The following SNTB2 variants were observed in gnomAD, a reference collection of about 807,000 sequenced individuals.
The protein encoded by SNTB2 is beta-2-syntrophin.
In SNTB2, 34 loss-of-function variants were observed where a neutral mutation model predicts 46.2. That is an observed-to-expected ratio of 0.74 (90% CI 0.56 to 0.98). The LOEUF (loss-of-function observed/expected upper bound fraction) is 0.98. SNTB2 is among the 50% of genes least tolerant of loss of function. The probability of loss-of-function intolerance (pLI) is 0.00; values close to 1 mark genes in which losing one functional copy is unlikely to be tolerated. For missense variants in SNTB2, 603 were observed against 731.4 expected, an observed-to-expected ratio of 0.82 and a Z score of 2.02; for synonymous variants, 290 against 312.6, an observed-to-expected ratio of 0.93 and a Z score of 0.76.
intron 1 of SNTB2, among the ~76,000 whole-genome samples, chr16:69,229,827 A>G (rs1964490066): frequency 7.5e-6 from 1 of 134,194 alleles, no homozygotes; most frequent in African/African-American, 2.7e-5. Context: ...GGGTGACAGG[A>G]GCAAGACCCT....
At chr16:69,191,695 C>T (rs1387687094) in intron 1 of SNTB2, among the ~76,000 whole-genome samples, 10 of 151,640 alleles carry the variant, frequency 6.6e-5, no homozygotes, top group Non-Finnish European at 1.0e-4. Context: ...GGCTGGAGTG[C>T]AGTGGTGCGA....
chr16:69,237,006 C>T (rs1964565774), intron 1 of SNTB2, among the ~76,000 whole-genome samples: 1 of 152,156 alleles, frequency 6.6e-6, no homozygotes, highest in Non-Finnish European at 1.5e-5. Flanking sequence ...CTTATAACTA[C>T]AAGAGTGAGC....
At chr16:69,286,190 A>G (rs879718780) in intron 5 of SNTB2, among the ~76,000 whole-genome samples, 1 of 152,168 alleles carries the variant, frequency 6.6e-6, no homozygotes, top group Non-Finnish European at 1.5e-5. Context: ...GCTTCAAGCT[A>G]TTCTCTGGTC....
At chr16:69,255,246 T>C (rs1964761990) in intron 2 of SNTB2, among the ~76,000 whole-genome samples, 1 of 151,818 alleles carries the variant, frequency 6.6e-6, no homozygotes, top group Admixed American at 6.6e-5. Context: ...TGCAGATGTA[T>C]GTCACCATGC....
intron 3 of SNTB2, among the ~76,000 whole-genome samples, chr16:69,269,311 G>A (rs533905753): frequency 6.6e-6 from 1 of 151,842 alleles, no homozygotes; most frequent in Admixed American, 6.6e-5. Context: ...GAGGTCAGGA[G>A]ATCGAGACCA....
chr16:69,225,709 T>G (rs1475363107), intron 1 of SNTB2, among the ~76,000 whole-genome samples: 1 of 152,226 alleles, frequency 6.6e-6, no homozygotes, highest in Non-Finnish European at 1.5e-5. Context: ...GTGTCAAACA[T>G]TTTAAAGATC....
chr16:69,241,936 A>C (rs1964620870), intron 1 of SNTB2: 1 of 149,642 alleles, frequency 6.7e-6, no homozygotes, highest in Admixed American at 6.6e-5. Context: ...CTCAAAAAAA[A>C]AAAAAAAAAA....
chr16:69,245,535 A>T, intron 1 of SNTB2, 67 bp from the exon 2 acceptor site: 1 of 1,433,242 alleles, frequency 7.0e-7, no homozygotes, highest in Non-Finnish European at 9.8e-7. Flanking sequence ...GTATGTGAAT[A>T]CTTTAGTTAT....
intron 1 of SNTB2, among the ~76,000 whole-genome samples, chr16:69,205,469 A>T (rs1261929899): frequency 6.6e-6 from 1 of 151,918 alleles, no homozygotes; most frequent in Middle Eastern, 3.2e-3. Context: ...AAATGCTGGG[A>T]TTACAGGTGT....
chr16:69,246,911 G>T (rs1964675485), intron 2 of SNTB2, among the ~76,000 whole-genome samples: 1 of 102,592 alleles, frequency 9.7e-6, no homozygotes, highest in Admixed American at 1.2e-4. Flanking sequence ...GGTGGGGGGA[G>T]GGGGGAGGGA....
intron 5 of SNTB2, among the ~76,000 whole-genome samples, chr16:69,285,453 C>CTATTTATT (rs56095766): frequency 0.056 from 7,275 of 130,538 alleles, 253 homozygotes; most frequent in Middle Eastern, 0.11. Context: ...CTTTGAGCTT[C>CTATTTATT]TATTTATTTA....
chr16:69,304,968 C>T lies in SNTB2; in HGVS notation c.*4044C>T, dbSNP rs2143220672. 1 of 151,598 alleles carries T rather than the reference C, an allele frequency of 6.6e-6. No individual in the cohort carries two copies. The highest frequency in any genetic ancestry group is 2.4e-5 in the African/African-American group (1 of 41,324). The allele number at this position is 151,598 out of a possible 1,614,324, so 9.4% of individuals were successfully genotyped here. On this transcript the variant is annotated 3_prime_UTR_variant, in exon 7 of 7. Coordinates refer to ENST00000336278, the MANE Select transcript of SNTB2 (RefSeq NM_006750.4). ...CAGATGTGAGCCACTGCACCTGGCCCCAGAAATTATGCTTAAAAAAAAAAT... is the reference window on the plus strand; with the variant it reads ...CAGATGTGAGCCACTGCACCTGGCCTCAGAAATTATGCTTAAAAAAAAAAT...
Position 69,284,167 on chromosome 16 carries a change from G to C in SNTB2, c.1268G>C (p.Arg423Pro). 6.2e-7 allele frequency: 1 copy of C among 1,613,992 alleles called. No homozygotes were observed. Among genetic ancestry groups the C allele is most frequent in the Admixed American group, 1.7e-5 (1 of 59,998 alleles). ...EMHLFRVETHRDLSSWTRILV... is the reference protein window; with the variant it reads ...EMHLFRVETHPDLSSWTRILV... Reference sequence around the variant, plus strand: ...CATCTCTTCAGGGTGGAGACACATCGGGATCTGTCATCCTGGACCAGGATA... The same window carrying C: ...CATCTCTTCAGGGTGGAGACACATCCGGATCTGTCATCCTGGACCAGGATA... The change falls in exon 5 of 7, where the codon CGG (arginine) becomes CCG (proline). Residue 423 changes from arginine (R) to proline (P), a missense_variant. Around this residue, in one of 2 missense-constraint regions of SNTB2, gnomAD observed 537 missense variants for 692.4 expected, o/e 0.78. Transcript: ENST00000336278.
chr16:69,219,999 C>T (rs1224149207), intron 1 of SNTB2, among the ~76,000 whole-genome samples: 1 of 151,778 alleles, frequency 6.6e-6, no homozygotes, highest in Non-Finnish European at 1.5e-5. Context: ...ATCTGCCTGC[C>T]TTGGCCTCCC....
intron 5 of SNTB2, among the ~76,000 whole-genome samples, chr16:69,289,343 G>A (rs1021498053): frequency 6.6e-6 from 1 of 152,000 alleles, no homozygotes; most frequent in African/African-American, 2.4e-5. Context: ...GTTGGGATGG[G>A]CGTGTTGTGA....
Position 69,249,629 on chromosome 16 carries a change from A to G in SNTB2, c.794+3814A>G, listed in dbSNP as rs1309011898. ...GATGTGAAATAGATTTTCAGAACCA[A>G]ATGGAGAGGGCAGTTTGGGGCTACA... On this transcript the variant is annotated intron_variant, in intron 2 of 6. Transcript: ENST00000336278. Among the ~76,000 whole-genome samples, 4 of 152,172 alleles carry G rather than the reference A, an allele frequency of 2.6e-5. No homozygotes were observed. The East Asian group carries it at 7.7e-4, about 29-fold the overall frequency.
At chr16:69,187,868 G>T in intron 1 of SNTB2, 122 bp downstream of exon 1, 2 of 826,476 alleles carry the variant, frequency 2.4e-6, no homozygotes, top group Non-Finnish European at 3.4e-6. Flanking sequence ...CCAAACCCGG[G>T]TTTCTGGAGC....
At chr16:69,214,968 C>G (rs1189051870) in intron 1 of SNTB2, among the ~76,000 whole-genome samples, 1 of 151,702 alleles carries the variant, frequency 6.6e-6, no homozygotes, top group East Asian at 1.9e-4. Flanking sequence ...CTAAGCCTCC[C>G]AGGTAGCTGG....
At chr16:69,235,092 C>T (rs1449394456) in intron 1 of SNTB2, among the ~76,000 whole-genome samples, 1 of 151,828 alleles carries the variant, frequency 6.6e-6, no homozygotes, top group Non-Finnish European at 1.5e-5. Context: ...CTCACTGCAG[C>T]CTCTGTCGCC....
Sources: allele counts gnomAD v4.1 joint callset (sites outside exome capture counted in the v4.1 genomes callset), GRCh38; gene constraint gnomAD v4.1.1; regional missense constraint gnomAD v4.1.1; transcripts MANE v1.5; gene names NCBI Gene and HGNC (gene_info 2026-07-23, HGNC 2026-07-21).